Variants in SDCCAG8 observed in about 807,000 individuals in gnomAD.
The protein encoded by SDCCAG8 is serologically defined colon cancer antigen 8.
Under a neutral mutation model 101.8 loss-of-function variants are expected in SDCCAG8, and 74 were observed. The ratio of observed to expected loss-of-function variants is 0.73; its 90% CI spans 0.60 to 0.88. The LOEUF (loss-of-function observed/expected upper bound fraction) is 0.88, where lower values mean the gene tolerates loss of function less well. SDCCAG8 is among the 40% of genes least tolerant of loss of function. SDCCAG8 has a pLI of 0.00. For synonymous variants in SDCCAG8, 281 were observed against 292.9 expected, an observed-to-expected ratio of 0.96 and a Z score of 0.41; for missense variants, 787 against 822.6, an observed-to-expected ratio of 0.96 and a Z score of 0.53.
chr1:243,272,603 G>A (rs576101852), intron 3 of SDCCAG8, among the ~76,000 whole-genome samples: 26 of 152,286 alleles, frequency 1.7e-4, no homozygotes, highest in African/African-American at 5.8e-4. Context: ...AGTCTGAGCA[G>A]TGATATTATG....
intron 8 of SDCCAG8, among the ~76,000 whole-genome samples, chr1:243,311,684 G>A (rs190023944): frequency 2.3e-3 from 349 of 152,164 alleles, no homozygotes; most frequent in Middle Eastern, 0.01. Context: ...GGAGCCTGAT[G>A]CAGGAGGATC....
intron 13 of SDCCAG8, among the ~76,000 whole-genome samples, chr1:243,400,609 C>A (rs1220435786): frequency 6.6e-6 from 1 of 152,180 alleles, no homozygotes; most frequent in Admixed American, 6.5e-5. Context: ...GAGTCACGTT[C>A]CAAGTTCTTC....
At chr1:243,302,348 A>G (rs1489394192) in intron 6 of SDCCAG8, among the ~76,000 whole-genome samples, 1 of 79,552 alleles carries the variant, frequency 1.3e-5, no homozygotes, top group African/African-American at 4.2e-5. Flanking sequence ...ACTCTGGGGG[A>G]AAAAATGTCA....
intron 12 of SDCCAG8, among the ~76,000 whole-genome samples, chr1:243,347,339 A>G (rs1460657223): frequency 6.6e-6 from 1 of 152,224 alleles, no homozygotes; most frequent in Non-Finnish European, 1.5e-5. Flanking sequence ...CTTCTTTAAT[A>G]TCAAATAACA....
chr1:243,376,314 G>C (rs577541798), intron 12 of SDCCAG8, among the ~76,000 whole-genome samples: 2 of 152,248 alleles, frequency 1.3e-5, no homozygotes, highest in East Asian at 3.9e-4. Context: ...TTATCACTCC[G>C]ATTTTAGGAG....
intron 8 of SDCCAG8, among the ~76,000 whole-genome samples, chr1:243,312,828 A>G (rs1033306594): frequency 6.6e-6 from 1 of 152,156 alleles, no homozygotes; most frequent in African/African-American, 2.4e-5. Context: ...CTTTTTGGAG[A>G]ATATACTTAA....
rs1254739854 is a variant in SDCCAG8, at chr1:243,468,241, C to T, written c.1986-20773C>T. 4.8e-5 allele frequency among the ~76,000 whole-genome samples: 7 copies of T among 145,538 alleles called. No individual in the cohort carries two copies. The South Asian group carries it at 6.5e-4, about 14-fold the overall frequency. Reference sequence around the variant, plus strand: ...CAAAGGTTTTTTTTTTTTTTTGAGACGGAGTCAGCTGTGTCACCCAGGCTG... The same window carrying T: ...CAAAGGTTTTTTTTTTTTTTTGAGATGGAGTCAGCTGTGTCACCCAGGCTG... On this transcript the variant is annotated intron_variant, in intron 16 of 17. Coordinates refer to ENST00000366541, the MANE Select transcript of SDCCAG8 (RefSeq NM_006642.5).
intron 16 of SDCCAG8, among the ~76,000 whole-genome samples, chr1:243,444,382 T>TG (rs1046081434): frequency 3.3e-5 from 5 of 152,002 alleles, no homozygotes; most frequent in African/African-American, 1.2e-4. Flanking sequence ...TGTTTTGTTT[T>TG]TTTTTTTGGG....
intron 1 of SDCCAG8, among the ~76,000 whole-genome samples, chr1:243,263,002 G>A: frequency 6.6e-6 from 1 of 152,162 alleles, no homozygotes; most frequent in South Asian, 2.1e-4. Context: ...CCTGACACCT[G>A]GATCAGATGT....
chr1:243,260,571 A>T (rs1294308931), intron 1 of SDCCAG8, among the ~76,000 whole-genome samples: 3 of 152,154 alleles, frequency 2.0e-5, no homozygotes, highest in Non-Finnish European at 4.4e-5. Flanking sequence ...CAGAAAGGAG[A>T]AAAATTGCTA....
chr1:243,467,951 A>C (rs1225763065), intron 16 of SDCCAG8, among the ~76,000 whole-genome samples: 1 of 152,226 alleles, frequency 6.6e-6, no homozygotes, highest in Non-Finnish European at 1.5e-5. Flanking sequence ...TGGTAAGGAC[A>C]AGGATTTTTG....
At chr1:243,374,939 G>A (rs1011490348) in intron 12 of SDCCAG8, among the ~76,000 whole-genome samples, 8 of 152,054 alleles carry the variant, frequency 5.3e-5, no homozygotes, top group African/African-American at 1.9e-4. Flanking sequence ...GGGGGAAAAT[G>A]TCAGTTATCT....
At chr1:243,475,296 T>A (rs898577449) in intron 16 of SDCCAG8, among the ~76,000 whole-genome samples, 2 of 151,108 alleles carry the variant, frequency 1.3e-5, no homozygotes, top group African/African-American at 4.9e-5. Context: ...GGGGCGGGGG[T>A]CTTTCTATTG....
chr1:243,407,773 C>A (rs955774275), intron 13 of SDCCAG8, among the ~76,000 whole-genome samples: 4 of 152,282 alleles, frequency 2.6e-5, no homozygotes, highest in African/African-American at 7.2e-5. Context: ...CATCTTTCAA[C>A]ATTGTGCTTG....
At chr1:243,480,575 T>G in intron 16 of SDCCAG8, among the ~76,000 whole-genome samples, 1 of 69,606 alleles carries the variant, frequency 1.4e-5, no homozygotes, top group East Asian at 4.5e-4. Context: ...GATGGATGGG[T>G]GGGTGGGATG....
chr1:243,341,624 C>T (rs187264033), intron 11 of SDCCAG8, among the ~76,000 whole-genome samples: 93 of 152,314 alleles, frequency 6.1e-4, no homozygotes, highest in Non-Finnish European at 1.6e-4. Flanking sequence ...AAATCTTCCA[C>T]TTCCTTTTCC....
intron 13 of SDCCAG8, among the ~76,000 whole-genome samples, chr1:243,386,768 T>TGAGA (rs112662776): frequency 0.056 from 7,983 of 143,426 alleles, 706 homozygotes; most frequent in African/African-American, 0.19. Flanking sequence ...AGAAAGAAAG[T>TGAGA]GAGAGAGAGA....
chr1:243,321,232 G>C (rs899163558), intron 9 of SDCCAG8, among the ~76,000 whole-genome samples: 2 of 152,022 alleles, frequency 1.3e-5, no homozygotes, highest in African/African-American at 2.4e-5. Flanking sequence ...TATTATTATT[G>C]CTTGTTTGTC....
chr1:243,268,795 A>G (rs552464690), intron 1 of SDCCAG8, among the ~76,000 whole-genome samples: 1 of 152,358 alleles, frequency 6.6e-6, no homozygotes, highest in East Asian at 1.9e-4. Context: ...ATATATGTTT[A>G]TAAATGTATT....
Sources: gnomAD v4.1 joint callset for allele counts (sites outside exome capture counted in the v4.1 genomes callset) on GRCh38, gnomAD v4.1.1 for gene constraint, MANE v1.5 for transcripts, NCBI Gene and HGNC (gene_info 2026-07-23, HGNC 2026-07-21) for gene names.